The following LYPLA1 variants were observed in gnomAD, a reference collection of about 807,000 sequenced individuals.
LYPLA1 encodes the protein acyl-protein thioesterase 1.
Under a neutral mutation model 34.0 loss-of-function variants are expected in LYPLA1, and 17 were observed. The observed-to-expected ratio is 0.50, with a 90% confidence interval of 0.34 to 0.75. The LOEUF is 0.75. LYPLA1 is among the 30% of genes least tolerant of loss of function. LYPLA1 has a pLI of 0.01. For missense variants in LYPLA1, 203 were observed against 288.8 expected (o/e 0.70, Z 2.15); for synonymous variants, 98 against 100.8 (o/e 0.97, Z 0.17).
chr8:54,074,213 G>A (rs2129343575), intron 2 of LYPLA1, among the ~76,000 whole-genome samples: 1 of 152,338 alleles, frequency 6.6e-6, no homozygotes, highest in African/African-American at 2.4e-5. Context: ...GGCAGAGCTT[G>A]CAGTGAGCCG....
intron 2 of LYPLA1, among the ~76,000 whole-genome samples, chr8:54,084,665 A>G (rs778694515): frequency 6.6e-5 from 10 of 152,240 alleles, no homozygotes; most frequent in Non-Finnish European, 1.5e-4. Flanking sequence ...AACCAAAGAA[A>G]AAAAACAGAG....
chr8:54,068,953 A>C (rs1311988585), intron 2 of LYPLA1, among the ~76,000 whole-genome samples: 1 of 152,240 alleles, frequency 6.6e-6, no homozygotes, highest in Non-Finnish European at 1.5e-5. Flanking sequence ...AATAAAAAAA[A>C]CTTGCAACTC....
At chr8:54,043,564 G>A (rs749012876), downstream of LYPLA1, among the ~76,000 whole-genome samples, 5 of 150,524 alleles carry the variant, frequency 3.3e-5, no homozygotes, top group South Asian at 4.2e-4. Context: ...ATGAACCACC[G>A]CACCTGACCC....
At chr8:54,089,862 G>C (rs2129361834) in intron 2 of LYPLA1, among the ~76,000 whole-genome samples, 2 of 152,288 alleles carry the variant, frequency 1.3e-5, no homozygotes, top group South Asian at 4.1e-4. Context: ...ACCTTGAATT[G>C]TAATAATCCC....
intron 2 of LYPLA1, among the ~76,000 whole-genome samples, chr8:54,096,726 G>C (rs541360055): frequency 1.3e-5 from 2 of 151,500 alleles, no homozygotes; most frequent in South Asian, 4.2e-4. Context: ...CTGGACGACA[G>C]GGCGAGACAA....
chr8:54,053,514 C>T (rs1805991462), intron 6 of LYPLA1: 1 of 434,910 alleles, frequency 2.3e-6, no homozygotes, highest in Non-Finnish European at 4.6e-6. Context: ...TGTACTCCTG[C>T]CAGCATCCAG....
At chr8:54,054,917 G>A (rs555792659) in intron 6 of LYPLA1, 143 bp downstream of exon 6, 1 of 618,306 alleles carries the variant, frequency 1.6e-6, no homozygotes, top group African/African-American at 1.9e-5. Flanking sequence ...CCAGTACACT[G>A]AAACTTAATT....
Position 54,080,843 on chromosome 8 carries a change from C to T in LYPLA1, c.102-15030G>A, listed in dbSNP as rs561156326. On this transcript the variant is annotated intron_variant, in intron 2 of 8. Coordinates refer to ENST00000316963, the MANE Select transcript of LYPLA1 (RefSeq NM_006330.4). ...CCTCAAGTGATCCGCCTGCCTTGGC[C>T]TCCCAAAGTGTTGGGATTACAGGCG... 2.1e-3 allele frequency among the ~76,000 whole-genome samples: 318 copies of T among 152,344 alleles called. 1 individual carries two copies. The highest frequency in any genetic ancestry group is 7.2e-3 in the African/African-American group (301 of 41,576).
At chr8:54,060,311 G>T (rs1020436983) in intron 5 of LYPLA1, among the ~76,000 whole-genome samples, 2 of 152,066 alleles carry the variant, frequency 1.3e-5, no homozygotes, top group African/African-American at 4.8e-5. Flanking sequence ...TTATAATAGA[G>T]ACGGGGTTTC....
downstream of LYPLA1, among the ~76,000 whole-genome samples, chr8:54,043,797 G>A (rs1286683126): frequency 6.6e-6 from 1 of 152,010 alleles, no homozygotes; most frequent in Non-Finnish European, 1.5e-5. Context: ...CTGACCTCAA[G>A]GGATCCACCC....
At chr8:54,088,274 A>C (rs1808951187) in intron 2 of LYPLA1, among the ~76,000 whole-genome samples, 5 of 152,200 alleles carry the variant, frequency 3.3e-5, no homozygotes, top group Admixed American at 3.3e-4. Context: ...CTTTTAAGAG[A>C]AGTTACTATT....
At chr8:54,095,224 T>C (rs1809595401) in intron 2 of LYPLA1, among the ~76,000 whole-genome samples, 1 of 152,110 alleles carries the variant, frequency 6.6e-6, no homozygotes, top group Admixed American at 6.6e-5. Flanking sequence ...ACTGAACTAC[T>C]GACCTCAGAT....
intron 3 of LYPLA1, 131 bp from the exon 4 acceptor site, chr8:54,063,506 GT>G: frequency 1.5e-6 from 1 of 669,890 alleles, no homozygotes; most frequent in Non-Finnish European, 2.6e-6. Flanking sequence ...CATATGAACT[GT>G]TTTATTTCAT....
intron 5 of LYPLA1, among the ~76,000 whole-genome samples, chr8:54,059,043 T>C (rs187016066): frequency 6.6e-5 from 10 of 152,344 alleles, no homozygotes; most frequent in African/African-American, 1.2e-4. Context: ...AAGTATTTCA[T>C]AGGCCAACTC....
chr8:54,093,058 A>T (rs1477030530), intron 2 of LYPLA1, among the ~76,000 whole-genome samples: 1 of 152,140 alleles, frequency 6.6e-6, no homozygotes, highest in East Asian at 1.9e-4. Context: ...ATGACCTAAG[A>T]CAGATCAGAT....
Position 54,055,225 on chromosome 8 carries a change from G to A in LYPLA1, c.287-92C>T, listed in dbSNP as rs189599468. ...AGGAAAAAATTAGTAATAGAAAAGC[G>A]CAATTACTTTTAAGGTGGAAATGAG... On this transcript the variant is annotated intron_variant, in intron 5 of 8. Transcript: ENST00000316963. The A allele has an allele frequency of 5.0e-3, 3,489 of 690,934 alleles. 47 individuals carry two copies. Among genetic ancestry groups the A allele is most frequent in the South Asian group, 8.2e-3 (449 of 54,530 alleles). The allele number at this position is 690,934 out of a possible 1,614,324, so 42.8% of individuals were successfully genotyped here. A position where few individuals can be genotyped will look rare whatever the true frequency, so the allele number is the denominator to read the frequency against.
At chr8:54,061,279 C>G (rs1316263545) in intron 5 of LYPLA1, among the ~76,000 whole-genome samples, 4 of 152,034 alleles carry the variant, frequency 2.6e-5, no homozygotes, top group African/African-American at 7.2e-5. Context: ...CGGGGTTTCA[C>G]TAGGTTAGCC....
At chr8:54,081,792 C>T (rs1406780405) in intron 2 of LYPLA1, among the ~76,000 whole-genome samples, 5 of 150,120 alleles carry the variant, frequency 3.3e-5, no homozygotes, top group East Asian at 2.0e-4. Context: ...TGCAATGGTG[C>T]GATCTTGGCT....
chr8:54,081,817 C>T (rs1808345930), intron 2 of LYPLA1, among the ~76,000 whole-genome samples: 1 of 151,854 alleles, frequency 6.6e-6, no homozygotes, highest in Admixed American at 6.6e-5. Context: ...GCAATCTCCG[C>T]CTCCCAGGTT....
Sources: allele counts gnomAD v4.1 joint callset (sites outside exome capture counted in the v4.1 genomes callset), GRCh38; gene constraint gnomAD v4.1.1; transcripts MANE v1.5; gene names NCBI Gene and HGNC (gene_info 2026-07-23, HGNC 2026-07-21).